Variants in DNAJB1 observed in about 807,000 individuals in gnomAD.
The protein encoded by DNAJB1 is DnaJ heat shock protein family (Hsp40) member B1.
Under a neutral mutation model 24.0 loss-of-function variants are expected in DNAJB1, and 14 were observed. That is an observed-to-expected ratio of 0.58 (90% CI 0.39 to 0.91). DNAJB1 has a LOEUF of 0.91. Ranked by LOEUF, DNAJB1 falls within the 40% of genes least tolerant of loss-of-function variation. DNAJB1 has a pLI of 0.00. For synonymous variants in DNAJB1, 262 were observed against 174.4 expected (o/e 1.50, Z -3.96); for missense variants, 517 against 458.1 (o/e 1.13, Z -1.17).
upstream of DNAJB1, among the ~76,000 whole-genome samples, chr19:14,552,145 TTTTC>T (rs141646907): frequency 0.042 from 6,260 of 148,206 alleles, 461 homozygotes; most frequent in African/African-American, 0.15. Context: ...GGCCTTTTTC[TTTTC>T]TTTCTTTCTT....
intron 1 of DNAJB1, among the ~76,000 whole-genome samples, chr19:14,541,540 T>C (rs959028854): frequency 6.6e-6 from 1 of 152,330 alleles, no homozygotes; most frequent in Non-Finnish European, 1.5e-5. Flanking sequence ...TTCCCTCTTA[T>C]CAATGCTAAG....
intron 1 of DNAJB1, among the ~76,000 whole-genome samples, chr19:14,540,632 T>C (rs2073066402): frequency 6.6e-6 from 1 of 152,010 alleles, no homozygotes; most frequent in African/African-American, 2.4e-5. Flanking sequence ...CCACAAGTGA[T>C]CCACCTGCCT....
intron 1 of DNAJB1, among the ~76,000 whole-genome samples, chr19:14,543,429 T>G: frequency 8.3e-5 from 1 of 12,022 alleles, no homozygotes; most frequent in Admixed American, 8.6e-4. Flanking sequence ...ATTTTTTTTT[T>G]TTTTTTTTTT....
chr19:14,546,311 G>A (rs138184877), intron 1 of DNAJB1, among the ~76,000 whole-genome samples: 1 of 152,244 alleles, frequency 6.6e-6, no homozygotes, highest in African/African-American at 2.4e-5. Context: ...CCTAGGCCAG[G>A]TGTAGTGGCT....
rs141093531 is a variant in DNAJB1, at chr19:14,516,703, G to T, written c.555C>A (p.Ile185=). 3 of 1,614,194 alleles carry T rather than the reference G, an allele frequency of 1.9e-6. No homozygotes were observed. The Admixed American group carries it at 5.0e-5, about 27-fold the overall frequency. ...IYSGCTKKMK[I]SHKRLNPDGK... ...CGTCGGGGTTTAGCCGCTTGTGGGA[G>T]ATTTTCATCTTCTTGGTACAGCCGC... is the stretch of plus-strand genomic sequence containing the variant. The change falls in exon 2 of 3, where the codon ATC becomes ATA. Residue 185 remains isoleucine (I), a synonymous_variant. Coordinates refer to ENST00000254322, the MANE Select transcript of DNAJB1 (RefSeq NM_006145.3).
At chr19:14,519,006 G>A (rs1442558305), upstream of DNAJB1, among the ~76,000 whole-genome samples, 2 of 152,238 alleles carry the variant, frequency 1.3e-5, no homozygotes, top group East Asian at 3.8e-4. Context: ...GCCAAGACAG[G>A]AGGATCTCTT....
chr19:14,525,363 C>T (rs577626079), intron 2 of DNAJB1, among the ~76,000 whole-genome samples: 10 of 150,966 alleles, frequency 6.6e-5, no homozygotes, highest in East Asian at 1.9e-4. Flanking sequence ...GTCTCATGAG[C>T]GAATGTTTGC....
At position 14,516,702 on chromosome 19, in the gene DNAJB1, A is replaced by T. The variant is rs2072269635; in HGVS notation, c.556T>A (p.Ser186Thr). Residue 186 changes from serine to threonine, a missense_variant, in exon 2 of 3, where the codon TCC (serine) becomes ACC (threonine). Coordinates refer to ENST00000254322, the MANE Select transcript of DNAJB1 (RefSeq NM_006145.3). ...YSGCTKKMKI[S>T]HKRLNPDGKS... ...CCGTCGGGGTTTAGCCGCTTGTGGG[A>T]GATTTTCATCTTCTTGGTACAGCCG... 5 of 1,614,006 alleles carry T rather than the reference A, an allele frequency of 3.1e-6. No individual in the cohort carries two copies. Among genetic ancestry groups the T allele is most frequent in the Non-Finnish European group, 4.2e-6 (5 of 1,179,988 alleles).
intron 1 of DNAJB1, among the ~76,000 whole-genome samples, chr19:14,548,065 C>T (rs969588470): frequency 6.6e-6 from 1 of 150,810 alleles, no homozygotes; most frequent in Non-Finnish European, 1.5e-5. Flanking sequence ...CTGGGTCAAG[C>T]GATTCTTCTG....
Position 14,518,274 on chromosome 19 carries a change from G to A in DNAJB1, c.76C>T (p.Arg26Cys), listed in dbSNP as rs1367080747. 3.1e-6 allele frequency: 5 copies of A among 1,609,824 alleles called. No homozygotes were observed. The highest frequency in any genetic ancestry group is 1.7e-4 in the Middle Eastern group (1 of 5,800). Residue 26 changes from arginine to cysteine, a missense_variant, in exon 1 of 3, where the codon CGC becomes TGC. By Grantham distance (180) the Arg-to-Cys change is radical. Coordinates refer to ENST00000254322, the MANE Select transcript of DNAJB1 (RefSeq NM_006145.3). The part of the protein sequence containing the change: ...SDEEIKRAYR[R>C]QALRYHPDKN... ...TCCGGGTGGTAGCGCAGCGCCTGGCGGCGGTAGGCCCGCTTGATCTCCTCG... is the reference window on the plus strand; with the variant it reads ...TCCGGGTGGTAGCGCAGCGCCTGGCAGCGGTAGGCCCGCTTGATCTCCTCG...
At chr19:14,542,003 G>A (rs1244441049) in intron 1 of DNAJB1, among the ~76,000 whole-genome samples, 2 of 152,070 alleles carry the variant, frequency 1.3e-5, no homozygotes, top group East Asian at 1.9e-4. Context: ...GGCTGGTTTC[G>A]AACTCCTGAC....
upstream of DNAJB1, among the ~76,000 whole-genome samples, chr19:14,553,002 G>A (rs1487535818): frequency 6.6e-6 from 1 of 152,094 alleles, no homozygotes; most frequent in Non-Finnish European, 1.5e-5. Context: ...ACAACCGCAG[G>A]GATGGGTGTA....
rs71166754 is a variant in DNAJB1, at chr19:14,542,347, G to GTTTTTTTTTTTTTTTTTTTTT, written c.-214+7840_-214+7860dup. 2.5e-4 allele frequency among the ~76,000 whole-genome samples: 11 copies of GTTTTTTTTTTTTTTTTTTTTT among 43,300 alleles called. 2 individuals are homozygous for GTTTTTTTTTTTTTTTTTTTTT. The highest frequency in any genetic ancestry group is 3.5e-4 in the Non-Finnish European group (8 of 22,812). 28.4% of individuals were successfully genotyped at this position (43,300 alleles called of 152,430 possible). On this transcript the variant is annotated intron_variant, in intron 1 of 3. Transcript: ENST00000676982. ...CCTCAGGGGGCCCTCATGCCATAGT[G>GTTTTTTTTTTTTTTTTTTTTT]TTTTTTTTTTTTTTTTTTTTTTTTT... is the stretch of plus-strand genomic sequence containing the variant.
At position 14,515,122 on chromosome 19, in the gene DNAJB1, C is replaced by CAGAT. The variant is rs2072233468; in HGVS notation, c.*814_*817dup. 6.6e-6 allele frequency: 1 copy of CAGAT among 152,602 alleles called. No homozygotes were observed. Among genetic ancestry groups the CAGAT allele is most frequent in the African/African-American group, 2.4e-5 (1 of 41,438 alleles). The allele number at this position is 152,602 out of a possible 1,614,324, so 9.5% of individuals were successfully genotyped here. On this transcript the variant is annotated 3_prime_UTR_variant, in exon 3 of 3. Transcript: ENST00000254322. ...AGGGCTGTGCAAAATTCAAAAGGATCAGATCCCTTTGAAAGAGTCCATAGT... is the reference window on the plus strand; with the variant it reads ...AGGGCTGTGCAAAATTCAAAAGGATCAGATAGATCCCTTTGAAAGAGTCCATAGT...
chr19:14,524,886 C>G (rs573868258), intron 2 of DNAJB1, among the ~76,000 whole-genome samples: 1 of 145,900 alleles, frequency 6.9e-6, no homozygotes, highest in Non-Finnish European at 1.5e-5. Flanking sequence ...GCCATATGAG[C>G]CAACAATCCC....
chr19:14,529,692 G>C (rs1452969308), upstream of DNAJB1: 1 of 1,614,104 alleles, frequency 6.2e-7, no homozygotes, highest in Admixed American at 1.7e-5. Flanking sequence ...CCGTGGGAGG[G>C]AGCCATGAAG....
chr19:14,549,887 G>T (rs1180976593), intron 1 of DNAJB1, among the ~76,000 whole-genome samples: 1 of 151,784 alleles, frequency 6.6e-6, no homozygotes, highest in East Asian at 1.9e-4. Context: ...AGGTTGCAGT[G>T]AGCCGAGATT....
At chr19:14,526,956 C>T (rs560527135) in intron 2 of DNAJB1, among the ~76,000 whole-genome samples, 13 of 151,984 alleles carry the variant, frequency 8.6e-5, no homozygotes, top group Non-Finnish European at 1.8e-4. Flanking sequence ...GTAATCCCAG[C>T]GCTTTGGGAG....
rs1426818720 is a variant in DNAJB1 at position 14,515,569 on chromosome 19, G to A, written c.*371C>T. 2 of 250,996 alleles carry A rather than the reference G, an allele frequency of 8.0e-6. No homozygotes were observed. The highest frequency in any genetic ancestry group is 1.5e-5 in the Non-Finnish European group (2 of 129,374). The allele number at this position is 250,996 out of a possible 1,614,324, so 15.5% of individuals were successfully genotyped here. A position where few individuals can be genotyped will look rare whatever the true frequency, so the allele number is the denominator to read the frequency against. On this transcript the variant is annotated 3_prime_UTR_variant, in exon 3 of 3. Transcript: ENST00000254322. ...CAGGGTCTGGGAATCAAGACTGCAG[G>A]TTGACATTATCTACCAGCCAGAAGC...
Sources: gnomAD v4.1 joint callset for allele counts (sites outside exome capture counted in the v4.1 genomes callset) on GRCh38, gnomAD v4.1.1 for gene constraint, MANE v1.5 for transcripts, NCBI Gene and HGNC (gene_info 2026-07-23, HGNC 2026-07-21) for gene names.